Variants in TIMP2 observed in about 807,000 individuals in gnomAD.
TIMP2 encodes metalloproteinase inhibitor 2.
A neutral mutation model predicts 24.3 loss-of-function variants in TIMP2; 5 were observed. The observed-to-expected ratio is 0.21, with a 90% CI of 0.11 to 0.43. The LOEUF (loss-of-function observed/expected upper bound fraction) is 0.43. Ranked by LOEUF, TIMP2 falls within the 20% of genes least tolerant of loss-of-function variation. The pLI, the probability that TIMP2 is intolerant of heterozygous loss-of-function variation, is 1.00. For missense variants in TIMP2, 221 were observed against 297.5 expected, an observed-to-expected ratio of 0.74 and a Z score of 1.89; for synonymous variants, 130 against 123.2, an observed-to-expected ratio of 1.06 and a Z score of -0.37.
chr17:78,884,468 A>G (rs1462205244), intron 1 of TIMP2, among the ~76,000 whole-genome samples: 1 of 152,146 alleles, frequency 6.6e-6, no homozygotes, highest in East Asian at 1.9e-4. Context: ...ATTTCTCAGG[A>G]GACAGAAACA....
rs759883628 is a variant in TIMP2, at chr17:78,925,062, C to A, written c.27G>T (p.Arg9=). Residue 9 remains arginine (R), a synonymous_variant, in exon 1 of 5, where the codon CGG becomes CGT. Coordinates refer to ENST00000262768, the MANE Select transcript of TIMP2 (RefSeq NM_003255.5). ...CCAGCAGCAGGAGGCCGAGCGCCAGCCGCAGGGTGCGGGCCGCGGCGCCCA... is the reference window on the plus strand; with the variant it reads ...CCAGCAGCAGGAGGCCGAGCGCCAGACGCAGGGTGCGGGCCGCGGCGCCCA... The part of the protein sequence containing the change: MGAAARTL[R]LALGLLLLAT... The A allele has an allele frequency of 8.7e-7, 1 of 1,153,242 alleles. No homozygotes were observed. The highest frequency in any genetic ancestry group is 3.7e-5 in the South Asian group (1 of 27,126). 71.4% of individuals were successfully genotyped at this position (1,153,242 alleles called of 1,614,324 possible).
intron 1 of TIMP2, among the ~76,000 whole-genome samples, chr17:78,905,418 G>A (rs1369103793): frequency 2.0e-5 from 3 of 152,172 alleles, no homozygotes; most frequent in Admixed American, 2.0e-4. Context: ...TGTTTCTCTG[G>A]GAAACCCTAA....
chr17:78,885,669 TGGGTGTGAG>T (rs567510999), intron 1 of TIMP2, among the ~76,000 whole-genome samples: 47 of 151,936 alleles, frequency 3.1e-4, no homozygotes, highest in African/African-American at 6.8e-4. Flanking sequence ...TGCTGGAAGC[TGGGTGTGAG>T]GGGTGTGAGG....
chr17:78,892,389 C>T (rs1280706928), intron 1 of TIMP2: 1 of 1,550,586 alleles, frequency 6.4e-7, no homozygotes, highest in Non-Finnish European at 8.7e-7. Context: ...TGCTTGGAGC[C>T]AAGAGTGGAG....
chr17:78,904,973 C>A (rs547325283), intron 1 of TIMP2: 2 of 152,402 alleles, frequency 1.3e-5, no homozygotes, highest in East Asian at 3.9e-4. Flanking sequence ...AACCCCATCT[C>A]TACTAAAAAT....
chr17:78,916,969 G>A (rs993858151), intron 1 of TIMP2, among the ~76,000 whole-genome samples: 13 of 152,226 alleles, frequency 8.5e-5, no homozygotes, highest in African/African-American at 1.2e-4. Flanking sequence ...AGAGTCTCTA[G>A]CAAGAGGTGC....
intron 1 of TIMP2, among the ~76,000 whole-genome samples, chr17:78,893,792 C>T (rs1384552568): frequency 6.6e-6 from 1 of 152,070 alleles, no homozygotes; most frequent in Admixed American, 6.5e-5. Context: ...AAGGACTCTT[C>T]CAGGTCTCTT....
intron 1 of TIMP2, among the ~76,000 whole-genome samples, chr17:78,907,426 G>A (rs965045792): frequency 6.6e-6 from 1 of 152,186 alleles, no homozygotes. Context: ...ACCAGAAGCC[G>A]CCAGTCGGCC....
chr17:78,902,159 T>A (rs1277830628), intron 1 of TIMP2, among the ~76,000 whole-genome samples: 1 of 151,924 alleles, frequency 6.6e-6, no homozygotes, highest in African/African-American at 2.4e-5. Flanking sequence ...CAGGCTGGAG[T>A]GCAGTGGTGC....
chr17:78,865,652 C>T (rs1188281709), intron 3 of TIMP2, among the ~76,000 whole-genome samples: 2 of 142,708 alleles, frequency 1.4e-5, no homozygotes, highest in Non-Finnish European at 3.0e-5. Context: ...ATTAGCTGGG[C>T]GTGGTGTTGG....
intron 1 of TIMP2, chr17:78,892,113 T>C (rs1599160934): frequency 6.4e-7 from 1 of 1,551,556 alleles, no homozygotes; most frequent in East Asian, 2.4e-5. Flanking sequence ...GACTGCAGCC[T>C]GTCCAGGCCA....
chr17:78,909,708 TA>T (rs2070191141), intron 1 of TIMP2, among the ~76,000 whole-genome samples: 1 of 152,168 alleles, frequency 6.6e-6, no homozygotes, highest in Non-Finnish European at 1.5e-5. Context: ...CGGGTTTCTG[TA>T]CATGCTCTAG....
chr17:78,890,718 T>TCTG, intron 1 of TIMP2: 1 of 1,550,632 alleles, frequency 6.4e-7, no homozygotes, highest in Non-Finnish European at 8.7e-7. Flanking sequence ...TGCTGTAAGA[T>TCTG]CTGCTGCTGC....
intron 1 of TIMP2, among the ~76,000 whole-genome samples, chr17:78,914,746 T>G (rs1315210999): frequency 6.6e-6 from 1 of 151,936 alleles, no homozygotes; most frequent in East Asian, 1.9e-4. Flanking sequence ...TGGCTAATTT[T>G]TAAAATTTTA....
At chr17:78,863,648 C>T (rs1471793929) in intron 3 of TIMP2, among the ~76,000 whole-genome samples, 4 of 152,180 alleles carry the variant, frequency 2.6e-5, no homozygotes, top group South Asian at 2.1e-4. Context: ...AGAGCCTTCA[C>T]GCTCATTCTG....
At chr17:78,880,320 C>T (rs1265252676) in intron 1 of TIMP2, among the ~76,000 whole-genome samples, 1 of 152,148 alleles carries the variant, frequency 6.6e-6, no homozygotes, top group East Asian at 1.9e-4. Context: ...CACAGAAGTA[C>T]TATGGAAGTT....
At position 78,891,423 on chromosome 17, in the gene TIMP2, A is replaced by G. The variant is rs1471186744; in HGVS notation, c.131-17504T>C. The G allele has an allele frequency of 1.3e-6, 2 of 1,550,830 alleles. No individual in the cohort carries two copies. Among genetic ancestry groups the G allele is most frequent in the Non-Finnish European group, 1.7e-6 (2 of 1,147,056 alleles). On this transcript the variant is annotated intron_variant, in intron 1 of 4. Transcript: ENST00000262768. The surrounding 1 kb of genome is among the most constrained non-coding windows in gnomAD (Gnocchi z 4.5). ...ATCCTGGGCTTCAGTGCCAGGTACA[A>G]GCACAGGTGTTTTTTCAGCTTTCTG...
rs371895057 is a variant in TIMP2, at chr17:78,902,756, G to A, written c.130+22203C>T. On this transcript the variant is annotated intron_variant, in intron 1 of 4. Transcript: ENST00000262768. ...GGCTCACTAAACATACCTCGACAGC[G>A]TCCATTACCGCTTCCCTGCAAACCT... 3.6e-3 allele frequency: 555 copies of A among 152,364 alleles called. 1 individual carries two copies. The highest frequency in any genetic ancestry group is 6.0e-3 in the Non-Finnish European group (409 of 68,070). The allele number at this position is 152,364 out of a possible 1,614,324, so 9.4% of individuals were successfully genotyped here.
At chr17:78,915,521 T>C (rs1017346080) in intron 1 of TIMP2, among the ~76,000 whole-genome samples, 1 of 105,554 alleles carries the variant, frequency 9.5e-6, no homozygotes, top group African/African-American at 3.7e-5. Context: ...CTCTCTTTTT[T>C]TCTTCTTTTT....
Sources: gnomAD v4.1 joint callset for allele counts (sites outside exome capture counted in the v4.1 genomes callset) on GRCh38, gnomAD v4.1.1 for gene constraint, Gnocchi (gnomAD v3.1) non-coding constraint, MANE v1.5 for transcripts, NCBI Gene and HGNC (gene_info 2026-07-23, HGNC 2026-07-21) for gene names.